DCTN6: variants seen among roughly 807,000 people sequenced by gnomAD.
DCTN6 encodes the protein dynactin subunit 6.
DCTN6 carries 15 observed loss-of-function variants against 25.8 expected under a neutral mutation model. That is an observed-to-expected ratio of 0.58 (90% CI 0.39 to 0.89). The LOEUF is 0.89. DCTN6 is among the 40% of genes least tolerant of loss of function. The pLI is 0.00. For missense variants in DCTN6, 198 were observed against 237.6 expected (o/e 0.83, Z 1.09); for synonymous variants, 64 against 78.3 (o/e 0.82, Z 0.96).
chr8:30,164,901 TC>T, intron 2 of DCTN6, among the ~76,000 whole-genome samples: 1 of 152,284 alleles, frequency 6.6e-6, no homozygotes, highest in East Asian at 1.9e-4. Context: ...TCCTGAAAGT[TC>T]CACACGACCC....
In DCTN6 at chr8:30,180,525, C is replaced by T. The variant is rs1365140589; in HGVS notation, c.369C>T (p.Cys123=). 3.1e-6 allele frequency: 5 copies of T among 1,613,710 alleles called. No homozygotes were observed. In the African/African-American group the frequency reaches 5.3e-5, roughly 17 times the overall value. ...VGRNVILTSG[C]IIGACCNLNT... is the part of the protein sequence containing the mutation. ...GAAATGTAATATTGACAAGTGGCTG[C>T]ATCATTGGGGCTTGTTGCAACCTAA... The change falls in exon 6 of 7, where the codon TGC becomes TGT. Residue 123 remains cysteine (C), a synonymous_variant. Coordinates refer to ENST00000221114, the MANE Select transcript of DCTN6 (RefSeq NM_006571.4).
intron 1 of DCTN6, among the ~76,000 whole-genome samples, chr8:30,158,306 A>G (rs1362121832): frequency 1.3e-5 from 2 of 152,242 alleles, no homozygotes; most frequent in African/African-American, 2.4e-5. Flanking sequence ...GTCTAAAACA[A>G]GAGACATTTT....
chr8:30,183,242 T>A lies in DCTN6; in HGVS notation c.*69T>A. On this transcript the variant is annotated 3_prime_UTR_variant, in exon 7 of 7. Transcript: ENST00000221114. ...GTCTTTTGAATGGGCCCACAGTGTTTATGTACTCTTAACAACTCACAGAAT... is the reference window on the plus strand; with the variant it reads ...GTCTTTTGAATGGGCCCACAGTGTTAATGTACTCTTAACAACTCACAGAAT... The A allele has an allele frequency of 8.0e-7, 1 of 1,257,720 alleles. No individual in the cohort carries two copies. The highest frequency in any genetic ancestry group is 1.1e-6 in the Non-Finnish European group (1 of 871,124). 77.9% of individuals were successfully genotyped at this position (1,257,720 alleles called of 1,614,324 possible). A position where few individuals can be genotyped will look rare whatever the true frequency, so the allele number is the denominator to read the frequency against.
chr8:30,161,232 T>A (rs1201903917), intron 1 of DCTN6, among the ~76,000 whole-genome samples: 1 of 152,202 alleles, frequency 6.6e-6, no homozygotes, highest in Non-Finnish European at 1.5e-5. Context: ...CCTTCCGCCA[T>A]GATTGTAAGT....
At chr8:30,181,428 C>T (rs1803909222) in intron 6 of DCTN6, among the ~76,000 whole-genome samples, 2 of 152,118 alleles carry the variant, frequency 1.3e-5, no homozygotes, top group South Asian at 4.1e-4. Context: ...AAATTATCTC[C>T]TCCTAGAAAT....
rs118048921 is a variant in DCTN6 at position 30,160,934 on chromosome 8, G to A, written c.24-3177G>A. On this transcript the variant is annotated intron_variant, in intron 1 of 6. Coordinates refer to ENST00000221114, the MANE Select transcript of DCTN6 (RefSeq NM_006571.4). Reference sequence around the variant, plus strand: ...TAGAAACCAGATTTTTATTAAATGTGTTTGTTGCCAAGTCTTGTTTCTATT... The same window carrying A: ...TAGAAACCAGATTTTTATTAAATGTATTTGTTGCCAAGTCTTGTTTCTATT... 3.2e-3 allele frequency among the ~76,000 whole-genome samples: 489 copies of A among 152,290 alleles called. 2 individuals carry two copies. The highest frequency in any genetic ancestry group is 5.5e-3 in the Admixed American group (84 of 15,296).
intron 6 of DCTN6, 51 bp from the exon 7 acceptor site, chr8:30,183,024 A>G: frequency 6.6e-7 from 1 of 1,510,886 alleles, no homozygotes; most frequent in Non-Finnish European, 9.2e-7. Flanking sequence ...GCTGTGTGGT[A>G]CTCTTGACTT....
intron 2 of DCTN6, 56 bp downstream of exon 2, chr8:30,164,231 A>G (rs952464179): frequency 1.2e-5 from 16 of 1,353,260 alleles, no homozygotes; most frequent in East Asian, 4.6e-5. Context: ...AATCTATTTT[A>G]GTGCTTTACA....
intron 2 of DCTN6, among the ~76,000 whole-genome samples, chr8:30,168,753 G>T (rs6992778): frequency 0.06 from 9,156 of 152,220 alleles, 393 homozygotes; most frequent in East Asian, 0.24. Flanking sequence ...TGGAAGTATG[G>T]TCCTTAACCA....
chr8:30,164,333 G>A (rs933455726), intron 2 of DCTN6, among the ~76,000 whole-genome samples, 158 bp downstream of exon 2: 7 of 152,182 alleles, frequency 4.6e-5, no homozygotes, highest in African/African-American at 1.7e-4. Flanking sequence ...ATTTCTGAAA[G>A]AATGTAGTGT....
At chr8:30,164,569 C>T (rs894225522) in intron 2 of DCTN6, among the ~76,000 whole-genome samples, 2 of 152,186 alleles carry the variant, frequency 1.3e-5, no homozygotes, top group African/African-American at 4.8e-5. Flanking sequence ...GCTCCTTGCT[C>T]CTTTCTTGCT....
intron 2 of DCTN6, among the ~76,000 whole-genome samples, chr8:30,173,740 A>AAAAAAC (rs1268039116): frequency 3.8e-4 from 56 of 147,004 alleles, no homozygotes; most frequent in East Asian, 1.2e-3. Flanking sequence ...TTAAAAAAAA[A>AAAAAAC]AAAAAAAAAA....
At chr8:30,157,536 A>G (rs1803542252) in intron 1 of DCTN6, among the ~76,000 whole-genome samples, 1 of 152,224 alleles carries the variant, frequency 6.6e-6, no homozygotes, top group African/African-American at 2.4e-5. Context: ...AGAAATCACC[A>G]TACTATTTTC....
At chr8:30,178,894 C>A (rs1563231600) in intron 4 of DCTN6, among the ~76,000 whole-genome samples, 1 of 152,126 alleles carries the variant, frequency 6.6e-6, no homozygotes, top group Non-Finnish European at 1.5e-5. Context: ...TAGGCTCAAG[C>A]AATCCTCCCA....
chr8:30,156,495 T>A, intron 1 of DCTN6, 89 bp downstream of exon 1: 2 of 1,467,164 alleles, frequency 1.4e-6, no homozygotes, highest in Non-Finnish European at 1.9e-6. Flanking sequence ...ACTCAGAAGG[T>A]GTCTCATCCT....
At chr8:30,177,319 TAA>T (rs1803849201) in intron 4 of DCTN6, 105 bp downstream of exon 4, 2 of 814,914 alleles carry the variant, frequency 2.5e-6, no homozygotes, top group Non-Finnish European at 3.9e-6. Context: ...CTTTAGTACC[TAA>T]GTCTTCTCCT....
At chr8:30,167,077 G>C (rs898681363) in intron 2 of DCTN6, among the ~76,000 whole-genome samples, 15 of 150,958 alleles carry the variant, frequency 9.9e-5, no homozygotes, top group African/African-American at 3.4e-4. Flanking sequence ...GACGGAAAGA[G>C]AAAGAAGGAA....
In DCTN6 at chr8:30,168,104, A is replaced by G. The variant is rs150187987; in HGVS notation, c.88+3929A>G. On this transcript the variant is annotated intron_variant, in intron 2 of 6. Coordinates refer to ENST00000221114, the MANE Select transcript of DCTN6 (RefSeq NM_006571.4). ...TTGACCCAGTGTTTCTAAACAAGAA[A>G]ATTTTTGCTCAAATACTGAGGAGAA... 7.9e-3 allele frequency among the ~76,000 whole-genome samples: 1,208 copies of G among 152,340 alleles called. 10 individuals carry two copies. Among genetic ancestry groups the G allele is most frequent in the Non-Finnish European group, 0.014 (963 of 68,028 alleles).
chr8:30,182,508 G>A (rs927710588), intron 6 of DCTN6, among the ~76,000 whole-genome samples: 1 of 151,658 alleles, frequency 6.6e-6, no homozygotes, highest in Non-Finnish European at 1.5e-5. Flanking sequence ...CTACAAAAGC[G>A]AGTTTTAAAA....
Sources: gnomAD v4.1 joint callset for allele counts (sites outside exome capture counted in the v4.1 genomes callset) on GRCh38, gnomAD v4.1.1 for gene constraint, MANE v1.5 for transcripts, NCBI Gene and HGNC (gene_info 2026-07-23, HGNC 2026-07-21) for gene names.